Variants in OOSP3 observed in about 807,000 individuals in gnomAD.
OOSP3 encodes the protein oocyte-secreted protein 3.
intron 2 of OOSP3, among the ~76,000 whole-genome samples, chr11:59,886,887 T>C (rs2134528339): frequency 6.6e-6 from 1 of 151,906 alleles, no homozygotes; most frequent in African/African-American, 2.4e-5. Flanking sequence ...GCCTCCCAGA[T>C]TCAAGCGATT....
chr11:59,880,453 G>A lies in OOSP3; in HGVS notation c.252+14G>A, dbSNP rs554696179. 3.3e-5 allele frequency: 13 copies of A among 398,514 alleles called. No individual in the cohort carries two copies. In the South Asian group the frequency reaches 1.7e-3, roughly 51 times the overall value. The allele number at this position is 398,514 out of a possible 1,614,324, so 24.7% of individuals were successfully genotyped here. ...ATTCAGAAAGAGGTAAGAGCTGCAA[G>A]CAGTTCAAATAATAAACTAACCCCT... is the stretch of plus-strand genomic sequence containing the variant. On this transcript the variant is annotated intron_variant, in intron 2 of 4. Transcript: ENST00000646438.
chr11:59,886,720 G>A (rs1166178682), intron 2 of OOSP3, among the ~76,000 whole-genome samples: 2 of 151,562 alleles, frequency 1.3e-5, no homozygotes, highest in African/African-American at 4.8e-5. Context: ...GATCAGTGAT[G>A]TTGAGCTTTT....
intron 3 of OOSP3, among the ~76,000 whole-genome samples, chr11:59,895,079 C>T (rs1355183121): frequency 1.3e-5 from 2 of 151,908 alleles, no homozygotes; most frequent in Non-Finnish European, 2.9e-5. Context: ...TACTATGGCC[C>T]TATGACTTTT....
intron 2 of OOSP3, among the ~76,000 whole-genome samples, chr11:59,886,419 G>A (rs1565219315): frequency 2.0e-5 from 3 of 152,158 alleles, no homozygotes; most frequent in African/African-American, 7.2e-5. Context: ...TAAAGGGATT[G>A]TTTGATCAAA....
intron 2 of OOSP3, among the ~76,000 whole-genome samples, chr11:59,885,942 T>C (rs987550045): frequency 2.0e-5 from 3 of 152,214 alleles, no homozygotes; most frequent in African/African-American, 7.2e-5. Flanking sequence ...TGCAGATTTG[T>C]TACATAGGTA....
chr11:59,891,384 G>A (rs1240829698), intron 2 of OOSP3, among the ~76,000 whole-genome samples: 1 of 152,196 alleles, frequency 6.6e-6, no homozygotes, highest in Non-Finnish European at 1.5e-5. Flanking sequence ...CAGCATTTTT[G>A]TGTTGATTTT....
intron 3 of OOSP3, among the ~76,000 whole-genome samples, chr11:59,894,923 C>G (rs1853342452): frequency 6.6e-6 from 1 of 152,168 alleles, no homozygotes; most frequent in African/African-American, 2.4e-5. Flanking sequence ...TTAAAAAACT[C>G]TTAGCCTAAG....
At chr11:59,888,384 A>G (rs1208605368) in intron 2 of OOSP3, among the ~76,000 whole-genome samples, 2 of 152,144 alleles carry the variant, frequency 1.3e-5, no homozygotes, top group East Asian at 1.9e-4. Context: ...GCCATTTTTC[A>G]AGGGGAATGT....
At chr11:59,895,389 C>A in intron 3 of OOSP3, 113 bp from the exon 4 acceptor site, 1 of 356,006 alleles carries the variant, frequency 2.8e-6, no homozygotes, top group Non-Finnish European at 5.0e-6. Context: ...AGTAAGTCTA[C>A]TACTGCTAAA....
intron 2 of OOSP3, among the ~76,000 whole-genome samples, chr11:59,889,560 A>C (rs1208570637): frequency 6.6e-6 from 1 of 152,182 alleles, no homozygotes; most frequent in African/African-American, 2.4e-5. Flanking sequence ...TTTACCCAGA[A>C]GTCATTCAGG....
At chr11:59,882,461 C>A (rs1853213142) in intron 2 of OOSP3, among the ~76,000 whole-genome samples, 1 of 152,072 alleles carries the variant, frequency 6.6e-6, no homozygotes, top group Non-Finnish European at 1.5e-5. Flanking sequence ...TGATTTAATA[C>A]CTTATCAAAT....
chr11:59,885,291 G>A (rs1853243799), intron 2 of OOSP3, among the ~76,000 whole-genome samples: 1 of 151,984 alleles, frequency 6.6e-6, no homozygotes, highest in South Asian at 2.1e-4. Context: ...TTTTTTGTTG[G>A]GGGGGCGCGT....
chr11:59,884,495 C>G (rs1008572947), intron 2 of OOSP3, among the ~76,000 whole-genome samples: 2 of 146,972 alleles, frequency 1.4e-5, no homozygotes, highest in African/African-American at 2.6e-5. Flanking sequence ...CTCTCTCTCT[C>G]TCTCTCTCTC....
At chr11:59,895,856 G>C (rs941002659) in intron 4 of OOSP3, among the ~76,000 whole-genome samples, 1 of 152,150 alleles carries the variant, frequency 6.6e-6, no homozygotes, top group Non-Finnish European at 1.5e-5. Flanking sequence ...TCCTGGTCTT[G>C]TCAATAAGTC....
intron 2 of OOSP3, among the ~76,000 whole-genome samples, chr11:59,886,294 T>C (rs972566446): frequency 6.6e-6 from 1 of 152,364 alleles, no homozygotes; most frequent in East Asian, 1.9e-4. Flanking sequence ...CAATCTATCA[T>C]TGATGGGCAT....
chr11:59,886,082 C>T (rs1853254442), intron 2 of OOSP3, among the ~76,000 whole-genome samples: 1 of 151,682 alleles, frequency 6.6e-6, no homozygotes, highest in South Asian at 2.1e-4. Context: ...GTGTGTTATT[C>T]CCCTCTCTGT....
intron 1 of OOSP3, among the ~76,000 whole-genome samples, chr11:59,879,867 G>C (rs1189253930): frequency 6.6e-6 from 1 of 152,164 alleles, no homozygotes; most frequent in South Asian, 2.1e-4. Flanking sequence ...AGAGGCCATA[G>C]AAGCTGCAGC....
At chr11:59,880,501 T>A in intron 2 of OOSP3, 62 bp downstream of exon 2, 1 of 398,042 alleles carries the variant, frequency 2.5e-6, no homozygotes, top group Non-Finnish European at 4.4e-6. Flanking sequence ...GCAGTAGTAC[T>A]GTGTGTACTG....
intron 2 of OOSP3, among the ~76,000 whole-genome samples, chr11:59,885,419 C>T (rs1664284076): frequency 6.6e-6 from 1 of 151,832 alleles, no homozygotes; most frequent in African/African-American, 2.4e-5. Context: ...GTTTGCTACA[C>T]AGATCATCCC....
Sources: gnomAD v4.1 joint callset for allele counts (sites outside exome capture counted in the v4.1 genomes callset) on GRCh38, gnomAD v4.1.1 for gene constraint, MANE v1.5 for transcripts, NCBI Gene and HGNC (gene_info 2026-07-23, HGNC 2026-07-21) for gene names.